NOMO2: variants seen among roughly 807,000 people sequenced by gnomAD.
NOMO2 encodes the protein NODAL modulator 2.
NOMO2 carries 14 observed loss-of-function variants against 67.1 expected under a neutral mutation model. That is an observed-to-expected ratio of 0.21 (90% CI 0.14 to 0.33). The LOEUF (loss-of-function observed/expected upper bound fraction) is 0.33, where lower values mean the gene tolerates loss of function less well. Ranked by LOEUF, NOMO2 falls within the 10% of genes least tolerant of loss-of-function variation. The pLI, the probability that NOMO2 is intolerant of heterozygous loss-of-function variation, is 1.00. For missense variants in NOMO2, 178 were observed against 761.0 expected, an observed-to-expected ratio of 0.23 and a Z score of 9.01; for synonymous variants, 80 against 305.9, an observed-to-expected ratio of 0.26 and a Z score of 7.71.
At chr16:18,535,445 G>T (rs1454250161) in intron 11 of NOMO2, among the ~76,000 whole-genome samples, 3 of 151,944 alleles carry the variant, frequency 2.0e-5, no homozygotes, top group Non-Finnish European at 4.4e-5. Flanking sequence ...TTCTTTCTTT[G>T]ACCCAAATAC....
At chr16:18,531,857 T>G (rs1284392551) in intron 12 of NOMO2, among the ~76,000 whole-genome samples, 1 of 151,990 alleles carries the variant, frequency 6.6e-6, no homozygotes, top group East Asian at 1.9e-4. Flanking sequence ...CTGGCCTAAT[T>G]CCCCACAGGC....
chr16:18,556,689 G>C (rs1395693747), intron 2 of NOMO2, among the ~76,000 whole-genome samples: 20 of 152,098 alleles, frequency 1.3e-4, no homozygotes, highest in Non-Finnish European at 1.5e-5. Flanking sequence ...TAGGTGGGAG[G>C]ATGGGATTGT....
intron 15 of NOMO2, among the ~76,000 whole-genome samples, chr16:18,528,601 A>C (rs1262771258): frequency 1.3e-5 from 2 of 151,834 alleles, no homozygotes; most frequent in Non-Finnish European, 2.9e-5. Flanking sequence ...GGCCACAGAG[A>C]CCACAATCAA....
intron 14 of NOMO2, among the ~76,000 whole-genome samples, chr16:18,529,945 A>G (rs998349720): frequency 6.7e-6 from 1 of 148,802 alleles, no homozygotes; most frequent in Non-Finnish European, 1.5e-5. Flanking sequence ...GCAAAACCCC[A>G]TCTCTACTAA....
intron 9 of NOMO2, among the ~76,000 whole-genome samples, chr16:18,539,999 C>T (rs1901512852): frequency 6.6e-6 from 1 of 151,460 alleles, no homozygotes; most frequent in African/African-American, 2.4e-5. Context: ...CGTTCGATTT[C>T]TTAGTTGTCT....
chr16:18,533,531 G>A (rs1399616784), intron 11 of NOMO2: 15 of 212,256 alleles, frequency 7.1e-5, no homozygotes, highest in East Asian at 2.5e-4. Flanking sequence ...CGTTGACAGC[G>A]GAGCGGCCTT....
At chr16:18,529,934 A>G (rs1901257546) in intron 14 of NOMO2, among the ~76,000 whole-genome samples, 1 of 150,170 alleles carries the variant, frequency 6.7e-6, no homozygotes, top group African/African-American at 2.5e-5. Context: ...TGACCAACAT[A>G]GCAAAACCCC....
chr16:18,559,669 G>A lies in NOMO2; in HGVS notation c.166-1878C>T, dbSNP rs1206322785. Among the ~76,000 whole-genome samples the A allele has an allele frequency of 3.3e-4, 50 of 151,814 alleles. 1 individual carries two copies. The highest frequency in any genetic ancestry group is 8.0e-4 in the African/African-American group (33 of 41,240). ...AAAGAGATTCAGATGCATGCATTTA[G>A]TGCAGGGACTGGAAATTCACCAGCC... is the stretch of plus-strand genomic sequence containing the variant. On this transcript the variant is annotated intron_variant, in intron 1 of 30. Coordinates refer to ENST00000622306, the MANE Select transcript of NOMO2 (RefSeq NM_173614.4).
intron 13 of NOMO2, 89 bp downstream of exon 13, chr16:18,531,376 AC>A: frequency 6.2e-7 from 1 of 1,609,088 alleles, no homozygotes; most frequent in East Asian, 2.2e-5. Flanking sequence ...GTAGCAAACA[AC>A]AAAGGCAAAA....
intron 15 of NOMO2, among the ~76,000 whole-genome samples, chr16:18,528,373 C>T (rs1404362792): frequency 2.6e-5 from 4 of 151,770 alleles, no homozygotes; most frequent in Admixed American, 6.6e-5. Context: ...GGATATTAAT[C>T]GATCTCCTAT....
chr16:18,557,055 G>T (rs1901923010), intron 2 of NOMO2, among the ~76,000 whole-genome samples: 1 of 151,894 alleles, frequency 6.6e-6, no homozygotes, highest in South Asian at 2.1e-4. Context: ...TGAACCTGGG[G>T]GGTGGAGGTT....
intron 3 of NOMO2, among the ~76,000 whole-genome samples, chr16:18,553,808 C>A (rs1901843792): frequency 1.5e-5 from 2 of 134,440 alleles, no homozygotes; most frequent in African/African-American, 5.4e-5. Context: ...GCCAGGCACC[C>A]CCCACCCTAC....
chr16:18,526,025 T>A (rs1449579939), intron 16 of NOMO2, among the ~76,000 whole-genome samples: 1 of 151,972 alleles, frequency 6.6e-6, no homozygotes, highest in East Asian at 1.9e-4. Context: ...CTGTATGGAT[T>A]TTGTTACATG....
chr16:18,525,583 A>G (rs1901127245), intron 16 of NOMO2, among the ~76,000 whole-genome samples: 1 of 149,418 alleles, frequency 6.7e-6, no homozygotes, highest in Non-Finnish European at 1.5e-5. Flanking sequence ...GTCCACAGAG[A>G]ACAGCATCTG....
intron 15 of NOMO2, among the ~76,000 whole-genome samples, chr16:18,528,984 A>ATAT (rs1901220855): frequency 1.0e-5 from 1 of 97,254 alleles, no homozygotes; most frequent in Non-Finnish European, 2.1e-5. Flanking sequence ...AAAAAAAAAA[A>ATAT]AAAAATACAT....
At chr16:18,536,643 T>A (rs1901430281) in intron 11 of NOMO2, among the ~76,000 whole-genome samples, 1 of 152,048 alleles carries the variant, frequency 6.6e-6, no homozygotes, top group African/African-American at 2.4e-5. Flanking sequence ...GTGTGAGGCA[T>A]TAAGCCTGGC....
At chr16:18,528,400 A>C (rs377410) in intron 15 of NOMO2, among the ~76,000 whole-genome samples, 1 of 151,500 alleles carries the variant, frequency 6.6e-6, no homozygotes, top group African/African-American at 2.4e-5. Flanking sequence ...TCGACCTGTC[A>C]AGTTTTTGTA....
intron 2 of NOMO2, among the ~76,000 whole-genome samples, chr16:18,555,709 A>G (rs1244126205): frequency 7.6e-6 from 1 of 130,818 alleles, no homozygotes; most frequent in African/African-American, 2.8e-5. Context: ...CCTGGGTTCA[A>G]GCGATTCTCC....
chr16:18,528,494 C>A (rs1422529638), intron 15 of NOMO2, among the ~76,000 whole-genome samples: 1 of 151,854 alleles, frequency 6.6e-6, no homozygotes, highest in African/African-American at 2.4e-5. Context: ...TAAGACCTGA[C>A]GATGACATCT....
Sources: allele counts gnomAD v4.1 joint callset (sites outside exome capture counted in the v4.1 genomes callset), GRCh38; gene constraint gnomAD v4.1.1; transcripts MANE v1.5; gene names NCBI Gene and HGNC (gene_info 2026-07-23, HGNC 2026-07-21).